Variants in TRIO observed in about 807,000 individuals in gnomAD.
TRIO encodes triple functional domain protein.
A neutral mutation model predicts 351.9 loss-of-function variants in TRIO; 58 were observed. The observed-to-expected ratio is 0.16, with a 90% CI of 0.13 to 0.21. The LOEUF (loss-of-function observed/expected upper bound fraction) is 0.21. TRIO is among the 10% of genes least tolerant of loss of function. The pLI is 1.00. For synonymous variants in TRIO, 1,758 were observed against 1,595.7 expected, an observed-to-expected ratio of 1.10 and a Z score of -2.42; for missense variants, 3,201 against 4,027.8, an observed-to-expected ratio of 0.79 and a Z score of 5.56.
chr5:14,196,406 G>C (rs1790771664), intron 1 of TRIO, among the ~76,000 whole-genome samples: 1 of 127,052 alleles, frequency 7.9e-6, no homozygotes, highest in African/African-American at 3.0e-5. Flanking sequence ...CTGGGCAACA[G>C]AGCCAGACTC....
chr5:14,501,245 A>G (rs1757281566), intron 53 of TRIO, among the ~76,000 whole-genome samples: 2 of 152,210 alleles, frequency 1.3e-5, no homozygotes, highest in Admixed American at 1.3e-4. Context: ...TTCACCTGCA[A>G]GGTCAGAATT....
rs758636385 is a variant in TRIO, at chr5:14,173,190, C to CTT, written c.157+29332_157+29333dup. Among the ~76,000 whole-genome samples the CTT allele has an allele frequency of 5.4e-3, 360 of 66,386 alleles. 1 individual carries two copies. The highest frequency in any genetic ancestry group is 0.019 in the African/African-American group (245 of 13,104). 43.6% of individuals were successfully genotyped at this position (66,386 alleles called of 152,430 possible). A position where few individuals can be genotyped will look rare whatever the true frequency, so the allele number is the denominator to read the frequency against. On this transcript the variant is annotated intron_variant, in intron 1 of 56. Transcript: ENST00000344204. ...TCTCAGATGCTCACATTGTATGTTC[C>CTT]TTTTTTTTTTTTTTTTTTTTTTTTT... is the stretch of plus-strand genomic sequence containing the variant.
chr5:14,158,417 C>T (rs1156785941), intron 1 of TRIO, among the ~76,000 whole-genome samples: 4 of 149,722 alleles, frequency 2.7e-5, no homozygotes, highest in Middle Eastern at 3.5e-3. Flanking sequence ...GAGTGAGACT[C>T]CGCCTCAAAA....
rs774373140 is a variant in TRIO, at chr5:14,414,290, T to C, written c.4960-5488T>C. Among the ~76,000 whole-genome samples, 10 of 152,372 alleles carry C rather than the reference T, an allele frequency of 6.6e-5. No individual in the cohort carries two copies. The South Asian group carries it at 1.7e-3, about 25-fold the overall frequency. On this transcript the variant is annotated intron_variant, in intron 33 of 56. Coordinates refer to ENST00000344204, the MANE Select transcript of TRIO (RefSeq NM_007118.4). ...GGATATGCTAAAAGCAAGAGTACAA[T>C]GTTGGTCCAGGTGAGCCTCTGTGAA...
At chr5:14,311,841 G>C (rs541957412) in intron 8 of TRIO, among the ~76,000 whole-genome samples, 1 of 152,258 alleles carries the variant, frequency 6.6e-6, no homozygotes, top group Admixed American at 6.5e-5. Flanking sequence ...TAAAAGTTTT[G>C]AAGGAACACT....
intron 28 of TRIO, among the ~76,000 whole-genome samples, chr5:14,396,259 C>T (rs1028707260): frequency 3.3e-5 from 5 of 151,632 alleles, no homozygotes; most frequent in Admixed American, 6.6e-5. Context: ...GTAACTCATG[C>T]GGTGTTACTG....
intron 1 of TRIO, among the ~76,000 whole-genome samples, chr5:14,265,111 C>A (rs1795592497): frequency 6.9e-6 from 1 of 144,430 alleles, no homozygotes; most frequent in African/African-American, 2.6e-5. Flanking sequence ...CCAATCTCTT[C>A]CCGCAGATTA....
chr5:14,452,855 G>C (rs546555574), intron 34 of TRIO, among the ~76,000 whole-genome samples: 1 of 151,994 alleles, frequency 6.6e-6, no homozygotes, highest in African/African-American at 2.4e-5. Context: ...CTTGGTCTGC[G>C]ACCAGCAGGA....
At chr5:14,249,343 T>A (rs939823541) in intron 1 of TRIO, among the ~76,000 whole-genome samples, 25 of 152,158 alleles carry the variant, frequency 1.6e-4, no homozygotes, top group Middle Eastern at 3.2e-3. Flanking sequence ...GCTTGCCCAT[T>A]TGTTACTACC....
chr5:14,225,603 G>A (rs1338580263), intron 1 of TRIO, among the ~76,000 whole-genome samples: 1 of 152,106 alleles, frequency 6.6e-6, no homozygotes, highest in African/African-American at 2.4e-5. Flanking sequence ...CTTGCCACAC[G>A]GCCTGCTGCA....
chr5:14,211,590 G>GTTTTTTTTTTT (rs33992664), intron 1 of TRIO, among the ~76,000 whole-genome samples: 1 of 120,070 alleles, frequency 8.3e-6, no homozygotes, highest in Non-Finnish European at 1.7e-5. Flanking sequence ...ACACTCAGTT[G>GTTTTTTTTTTT]TTTTTTTTTT....
chr5:14,414,587 A>C (rs1454876769), intron 33 of TRIO, among the ~76,000 whole-genome samples: 3 of 152,154 alleles, frequency 2.0e-5, no homozygotes, highest in Non-Finnish European at 4.4e-5. Flanking sequence ...TGGTTTTGAA[A>C]ACGTTTTTTC....
intron 1 of TRIO, among the ~76,000 whole-genome samples, chr5:14,167,066 A>T (rs1214032923): frequency 6.6e-6 from 1 of 151,556 alleles, no homozygotes. Context: ...GACCCTAATT[A>T]ATATTTTCTG....
At chr5:14,202,603 C>A (rs1274326119) in intron 1 of TRIO, among the ~76,000 whole-genome samples, 2 of 151,164 alleles carry the variant, frequency 1.3e-5, no homozygotes, top group African/African-American at 4.9e-5. Flanking sequence ...ATAATTGAAT[C>A]TTCAGGGTGG....
intron 1 of TRIO, among the ~76,000 whole-genome samples, chr5:14,171,171 G>A (rs1789076134): frequency 6.6e-6 from 1 of 152,146 alleles, no homozygotes; most frequent in South Asian, 2.1e-4. Flanking sequence ...AAGAAAATAA[G>A]TAAATCATTT....
chr5:14,218,761 C>T (rs545825138), intron 1 of TRIO, among the ~76,000 whole-genome samples: 29 of 152,342 alleles, frequency 1.9e-4, no homozygotes, highest in Non-Finnish European at 2.6e-4. Context: ...GGGGGTTCCG[C>T]GGCCACTGCC....
Position 14,498,178 on chromosome 5 carries a change from A to G in TRIO, c.8137A>G (p.Lys2713Glu). The change falls in exon 52 of 57, where the codon AAA becomes GAA. Residue 2713 changes from lysine to glutamate, a missense_variant. Coordinates refer to ENST00000344204, the MANE Select transcript of TRIO (RefSeq NM_007118.4). The stretch of plus-strand genomic sequence containing the variant: ...TAGATGTCGAGTCTGTGGCCGCCCC[A>G]AAGCCTCAATTACCTGGAAGGGCCC... ...VLRCRVCGRP[K>E]ASITWKGPEH... 2.5e-6 allele frequency: 4 copies of G among 1,614,218 alleles called. No homozygotes were observed. The highest frequency in any genetic ancestry group is 3.4e-6 in the Non-Finnish European group (4 of 1,180,034).
In TRIO at chr5:14,316,536, C is replaced by T. The variant is rs1353805315; in HGVS notation, c.1524C>T (p.Leu508=). The change falls in exon 9 of 57, where the codon CTC becomes CTT. Residue 508 remains leucine, a synonymous_variant. Coordinates refer to ENST00000344204, the MANE Select transcript of TRIO (RefSeq NM_007118.4). ...YSEVSQDGKS[L]LDKLQRPLTP... is the part of the protein sequence containing the mutation. ...AGGTCAGCCAAGATGGGAAGTCGCT[C>T]CTTGACAAGCTCCAGCGGCCCTTGA... 6.2e-7 allele frequency: 1 copy of T among 1,614,142 alleles called. No individual in the cohort carries two copies. Among genetic ancestry groups the T allele is most frequent in the Non-Finnish European group, 8.5e-7 (1 of 1,180,026 alleles).
Position 14,363,736 on chromosome 5 carries a change from T to C in TRIO, c.2396T>C (p.Ile799Thr). ...ATCTTAAATACCTTCTTTCAGATTA[T>C]CTCAGACCTCGAGTCTTGGAATGAT... ...RIFERDAIDIISDLESWNDEL... is the reference protein window; with the variant it reads ...RIFERDAIDITSDLESWNDEL... The change falls in exon 14 of 57, where the codon ATC becomes ACC. Residue 799 changes from isoleucine (I) to threonine (T), a missense_variant. Physicochemically the swap from Ile to Thr is moderately conservative, Grantham distance 89 (BLOSUM62 -1). Coordinates refer to ENST00000344204, the MANE Select transcript of TRIO (RefSeq NM_007118.4). 1 of 1,613,686 alleles carries C rather than the reference T, an allele frequency of 6.2e-7. No homozygotes were observed. The highest frequency in any genetic ancestry group is 1.1e-5 in the South Asian group (1 of 91,052).
Sources: allele counts gnomAD v4.1 joint callset (sites outside exome capture counted in the v4.1 genomes callset), GRCh38; gene constraint gnomAD v4.1.1; transcripts MANE v1.5; gene names NCBI Gene and HGNC (gene_info 2026-07-23, HGNC 2026-07-21).